EPHA8: variants seen among roughly 807,000 people sequenced by gnomAD.
EPHA8 encodes ephrin type-A receptor 8.
A neutral mutation model predicts 103.6 loss-of-function variants in EPHA8; 58 were observed. That is an observed-to-expected ratio of 0.56 (90% confidence interval 0.45 to 0.70). The LOEUF (loss-of-function observed/expected upper bound fraction) is 0.70, where lower values mean the gene tolerates loss of function less well. Among genes scored for constraint, EPHA8 ranks in the 30% least tolerant of loss-of-function variants. EPHA8 has a pLI of 0.00. For missense variants in EPHA8, 1,304 were observed against 1,395.2 expected (o/e 0.93, Z 1.04); for synonymous variants, 559 against 572.5 (o/e 0.98, Z 0.34).
intron 3 of EPHA8, among the ~76,000 whole-genome samples, chr1:22,580,563 C>T (rs1641019143): frequency 6.6e-6 from 1 of 152,186 alleles, no homozygotes; most frequent in African/African-American, 2.4e-5. Flanking sequence ...TTTGTTCTGC[C>T]CTCTGCAGCC....
chr1:22,589,287 G>A lies in EPHA8; in HGVS notation c.1315+81G>A. ...AGACCCATCCAGGGATCAGAGCTCT[G>A]CCGGGGACGTGCTGTGGGCCTTTAG... On this transcript the variant is annotated intron_variant, in intron 5 of 16. Transcript: ENST00000166244. The surrounding 1 kb of genome is among the most constrained non-coding windows in gnomAD (Gnocchi z 4.3). 1.2e-6 allele frequency: 2 copies of A among 1,613,498 alleles called. No individual in the cohort carries two copies. The highest frequency in any genetic ancestry group is 2.2e-5 in the East Asian group (1 of 44,880).
Position 22,597,348 on chromosome 1 carries a change from C to T in EPHA8, c.1802C>T (p.Pro601Leu), listed in dbSNP as rs753369755. ...PPVFLPLHHP[P>L]GKLPEPQFYA... is the part of the protein sequence containing the mutation. The stretch of plus-strand genomic sequence containing the variant: ...GTCTTCCTGCCTCTGCATCACCCCC[C>T]GGGAAAGCTCCCAGAGCCCCAGTTC... Residue 601 changes from proline (P) to leucine (L), a missense_variant, in exon 10 of 17, where the codon CCG (proline) becomes CTG (leucine). Coordinates refer to ENST00000166244, the MANE Select transcript of EPHA8 (RefSeq NM_020526.5). The surrounding 1 kb of genome is among the most constrained non-coding windows in gnomAD (Gnocchi z 4.6). 9.3e-6 allele frequency: 15 copies of T among 1,611,552 alleles called. No individual in the cohort carries two copies. The highest frequency in any genetic ancestry group is 1.7e-4 in the Middle Eastern group (1 of 6,054).
chr1:22,563,733 A>AGCG lies in EPHA8; in HGVS notation c.94+15_94+17dup, dbSNP rs1238302169. On this transcript the variant is annotated splice_donor_region_variant and intron_variant, in intron 1 of 16. Coordinates refer to ENST00000166244, the MANE Select transcript of EPHA8 (RefSeq NM_020526.5). This position sits in a 1 kb window ranked among gnomAD's most constrained non-coding sequence, Gnocchi z 4.4. ...GTGTCCGCGGCGCGCGGCGAAGGTG[A>AGCG]GCGGCGGCGGCGGGGCGGGGCAGGG... 2.1e-5 allele frequency: 3 copies of AGCG among 143,428 alleles called. No individual in the cohort carries two copies. Among genetic ancestry groups the AGCG allele is most frequent in the Non-Finnish European group, 4.6e-5 (3 of 64,686 alleles). 8.9% of individuals were successfully genotyped at this position (143,428 alleles called of 1,614,324 possible).
intron 4 of EPHA8, among the ~76,000 whole-genome samples, chr1:22,588,567 C>T (rs953439841): frequency 6.6e-6 from 1 of 151,198 alleles, no homozygotes; most frequent in African/African-American, 2.4e-5. Flanking sequence ...TGCGGTCTCT[C>T]TCCCACTCTG....
At chr1:22,565,843 C>T (rs1031644973) in intron 1 of EPHA8, among the ~76,000 whole-genome samples, 2 of 152,266 alleles carry the variant, frequency 1.3e-5, no homozygotes, top group South Asian at 2.1e-4. Flanking sequence ...ACGCCCTCTC[C>T]GATCAATGCA....
intron 3 of EPHA8, among the ~76,000 whole-genome samples, chr1:22,577,688 A>G (rs1640749906): frequency 6.6e-6 from 1 of 151,972 alleles, no homozygotes; most frequent in East Asian, 1.9e-4. Context: ...AGCTGTACCC[A>G]TAGGTGTGCT....
In EPHA8 at chr1:22,593,328, C is replaced by T. The variant is rs1233277139; in HGVS notation, c.1318C>T (p.Pro440Ser). 6.4e-7 allele frequency: 1 copy of T among 1,565,450 alleles called. No individual in the cohort carries two copies. The highest frequency in any genetic ancestry group is 8.7e-7 in the Non-Finnish European group (1 of 1,154,396). ...TCTGACGGGATTGGCCGCCCCAGCC[C>T]CGTCCCAGGTGGTGGTGATCCGTCA... ...VVNITTNQAA[P>S]SQVVVIRQER... The change falls in exon 6 of 17, where the codon CCG becomes TCG. Residue 440 changes from proline (P) to serine (S), a missense_variant and splice_region_variant. Physicochemically the swap from Pro to Ser is moderately conservative, Grantham distance 74. Coordinates refer to ENST00000166244, the MANE Select transcript of EPHA8 (RefSeq NM_020526.5).
In EPHA8 at chr1:22,563,895, G is replaced by A. The variant is rs1640275033; in HGVS notation, c.94+166G>A. 6.6e-6 allele frequency among the ~76,000 whole-genome samples: 1 copy of A among 152,074 alleles called. No individual in the cohort carries two copies. Among genetic ancestry groups the A allele is most frequent in the Admixed American group, 6.5e-5 (1 of 15,274 alleles). The stretch of plus-strand genomic sequence containing the variant: ...CCGCGGAAGAGACCCGGGATTAAGG[G>A]ACAGAGCGGTGGAGATGGGAACCCG... On this transcript the variant is annotated intron_variant, in intron 1 of 16. Coordinates refer to ENST00000166244, the MANE Select transcript of EPHA8 (RefSeq NM_020526.5). This position sits in a 1 kb window ranked among gnomAD's most constrained non-coding sequence, Gnocchi z 4.4.
rs1021905173 is a variant in EPHA8, at chr1:22,597,698, C to A, written c.1953C>A (p.Tyr651Ter). Reference sequence around the variant, plus strand: ...CAGGAGACTCCGGGGAAGTCTGCTACGGGAGGCTGCGGGTGCCAGGGCAGC... The same window carrying A: ...CAGGAGACTCCGGGGAAGTCTGCTAAGGGAGGCTGCGGGTGCCAGGGCAGC... ...IGSGDSGEVCYGRLRVPGQRD... is the reference protein window; with the variant it reads ...IGSGDSGEVC The change falls in exon 11 of 17, where the codon TAC (tyrosine) becomes TAA (stop). Residue 651 changes from tyrosine (Y) to a stop codon, truncating the protein, a stop_gained. Transcript: ENST00000166244. LOFTEE classifies it high-confidence loss of function. The surrounding 1 kb of genome is among the most constrained non-coding windows in gnomAD (Gnocchi z 4.6). 6.2e-7 allele frequency: 1 copy of A among 1,610,992 alleles called. No homozygotes were observed. Among genetic ancestry groups the A allele is most frequent in the South Asian group, 1.1e-5 (1 of 90,838 alleles).
Position 22,576,337 on chromosome 1 carries a change from G to A in EPHA8, c.280G>A (p.Ala94Thr), listed in dbSNP as rs758018689. The stretch of plus-strand genomic sequence containing the variant: ...CACGAGCTGGGTCCCCCGAGACGGC[G>A]CCCGGCGCGTCTATGCTGAGATCAA... ...LRTSWVPRDG[A>T]RRVYAEIKFT... Residue 94 changes from alanine (A) to threonine (T), a missense_variant, in exon 3 of 17, where the codon GCC becomes ACC. By Grantham distance (58) the Ala-to-Thr change is moderately conservative (BLOSUM62 0). Coordinates refer to ENST00000166244, the MANE Select transcript of EPHA8 (RefSeq NM_020526.5). The surrounding 1 kb of genome is among the most constrained non-coding windows in gnomAD (Gnocchi z 4.8). The A allele has an allele frequency of 5.0e-6, 8 of 1,613,634 alleles. No homozygotes were observed. Among genetic ancestry groups the A allele is most frequent in the East Asian group, 2.2e-5 (1 of 44,880 alleles).
At position 22,597,597 on chromosome 1, in the gene EPHA8, G is replaced by T; in HGVS notation, c.1931-79G>T. ...CCCAGGGGTCTGGCAAGCCCAGGGG[G>T]TCCAAGGGCCTGGGAGGCTGGGGGA... On this transcript the variant is annotated intron_variant, in intron 10 of 16. Coordinates refer to ENST00000166244, the MANE Select transcript of EPHA8 (RefSeq NM_020526.5). The surrounding 1 kb of genome is among the most constrained non-coding windows in gnomAD (Gnocchi z 4.6). 6.5e-7 allele frequency: 1 copy of T among 1,548,866 alleles called. No individual in the cohort carries two copies. Among genetic ancestry groups the T allele is most frequent in the Non-Finnish European group, 8.7e-7 (1 of 1,145,356 alleles).
At chr1:22,573,264 G>A (rs1384281679) in intron 2 of EPHA8, among the ~76,000 whole-genome samples, 4 of 152,168 alleles carry the variant, frequency 2.6e-5, no homozygotes, top group Admixed American at 2.6e-4. Context: ...CTGTGAAGAT[G>A]CTGCCAGTTC....
rs745471500 is a variant in EPHA8, at chr1:22,598,996, C to T, written c.2337C>T (p.Phe779=). 1.1e-5 allele frequency: 18 copies of T among 1,611,666 alleles called. No homozygotes were observed. The highest frequency in any genetic ancestry group is 2.2e-5 in the South Asian group (2 of 90,608). The change falls in exon 13 of 17, where the codon TTC becomes TTT. Residue 779 remains phenylalanine, a synonymous_variant. Coordinates refer to ENST00000166244, the MANE Select transcript of EPHA8 (RefSeq NM_020526.5). This position sits in a 1 kb window ranked among gnomAD's most constrained non-coding sequence, Gnocchi z 5.1. The part of the protein sequence containing the change: ...DSNLVCKVSD[F]GLSRVLEDDP... ...ACCTGGTCTGCAAGGTGTCTGACTT[C>T]GGGCTCTCACGGGTGCTGGAGGACG...
Position 22,588,464 on chromosome 1 carries a change from G to A in EPHA8, c.980-407G>A, listed in dbSNP as rs980703699. On this transcript the variant is annotated intron_variant, in intron 4 of 16. Coordinates refer to ENST00000166244, the MANE Select transcript of EPHA8 (RefSeq NM_020526.5). ...TGCGTGCTCAGTGGCATTTTGTATC[G>A]GATCCGGCACAGAAGGGTCAAGGAA... Among the ~76,000 whole-genome samples the A allele has an allele frequency of 1.2e-4, 19 of 152,314 alleles. No individual in the cohort carries two copies. The South Asian group carries it at 1.5e-3, about 12-fold the overall frequency.
At position 22,576,243 on chromosome 1, in the gene EPHA8, G is replaced by C; in HGVS notation, c.186G>C (p.Glu62Asp). ...HGWDSINEVDESFQPIHTYQV... is the reference protein window; with the variant it reads ...HGWDSINEVDDSFQPIHTYQV... The stretch of plus-strand genomic sequence containing the variant: ...GGGACTCCATCAACGAGGTGGACGA[G>C]TCCTTCCAGCCCATCCACACGTACC... The change falls in exon 3 of 17, where the codon GAG becomes GAC. Residue 62 changes from glutamate (E) to aspartate (D), a missense_variant. By Grantham distance (45) the Glu-to-Asp change is conservative. Coordinates refer to ENST00000166244, the MANE Select transcript of EPHA8 (RefSeq NM_020526.5). The surrounding 1 kb of genome is among the most constrained non-coding windows in gnomAD (Gnocchi z 4.8). 1 of 1,611,602 alleles carries C rather than the reference G, an allele frequency of 6.2e-7. No homozygotes were observed.
chr1:22,601,914 C>T lies in EPHA8; in HGVS notation c.*173C>T. 1.4e-6 allele frequency: 1 copy of T among 697,704 alleles called. No individual in the cohort carries two copies. Among genetic ancestry groups the T allele is most frequent in the Non-Finnish European group, 2.4e-6 (1 of 423,706 alleles). The allele number at this position is 697,704 out of a possible 1,614,324, so 43.2% of individuals were successfully genotyped here. On this transcript the variant is annotated 3_prime_UTR_variant, in exon 17 of 17. Transcript: ENST00000166244. ...ACCTGGAGTTATCAGGGGTCAGGCG[C>T]CTGGGAAGGGGCCTTTGGTGGCCAC...
At chr1:22,599,068 C>G in intron 13 of EPHA8, 21 bp downstream of exon 13, 1 of 1,576,878 alleles carries the variant, frequency 6.3e-7, no homozygotes, top group Non-Finnish European at 8.6e-7. Context: ...CACACTCCTT[C>G]CGGCTAGACT....
chr1:22,570,800 G>A (rs1640522892), intron 2 of EPHA8, among the ~76,000 whole-genome samples: 1 of 152,394 alleles, frequency 6.6e-6, no homozygotes, highest in South Asian at 2.1e-4. Context: ...CTGCCTGAGC[G>A]CGGACGCCAG....
At chr1:22,600,091 GGGAGGAAGGAGAGAA>G (rs1641669919) in intron 13 of EPHA8, among the ~76,000 whole-genome samples, 2 of 122,512 alleles carry the variant, frequency 1.6e-5, no homozygotes, top group South Asian at 3.2e-4. Flanking sequence ...AAGGGAGGGA[GGGAGGAAGGAGAGAA>G]GGAGGAAGGA....
Sources: allele counts gnomAD v4.1 joint callset (sites outside exome capture counted in the v4.1 genomes callset), GRCh38; gene constraint gnomAD v4.1.1; non-coding constraint Gnocchi (gnomAD v3.1); transcripts MANE v1.5; gene names NCBI Gene and HGNC (gene_info 2026-07-23, HGNC 2026-07-21).